FCHSD2: variants seen among roughly 807,000 people sequenced by gnomAD.
FCHSD2 encodes the protein FCH and double SH3 domains 2.
FCHSD2 carries 38 observed loss-of-function variants against 108.1 expected under a neutral mutation model. The observed-to-expected ratio is 0.35, with a 90% confidence interval of 0.27 to 0.46. FCHSD2 has a LOEUF of 0.46. FCHSD2 is among the 20% of genes least tolerant of loss of function. FCHSD2 has a pLI of 1.00. For synonymous variants in FCHSD2, 279 were observed against 314.7 expected, an observed-to-expected ratio of 0.89 and a Z score of 1.20; for missense variants, 751 against 897.8, an observed-to-expected ratio of 0.84 and a Z score of 2.09.
chr11:73,072,128 A>G (rs1053502599), intron 3 of FCHSD2, among the ~76,000 whole-genome samples: 4 of 151,450 alleles, frequency 2.6e-5, no homozygotes, highest in African/African-American at 9.7e-5. Flanking sequence ...GGGCATGTTC[A>G]CACACAAAAG....
chr11:72,940,501 G>A, intron 8 of FCHSD2: 1 of 770,502 alleles, frequency 1.3e-6, no homozygotes, highest in South Asian at 1.5e-5. Flanking sequence ...AGCCAAGATG[G>A]GTGCATACCC....
chr11:72,904,819 C>T (rs985735375), intron 9 of FCHSD2, among the ~76,000 whole-genome samples: 4 of 152,152 alleles, frequency 2.6e-5, no homozygotes, highest in Non-Finnish European at 5.9e-5. Context: ...CTCCCTCTTG[C>T]AATTTAATTG....
intron 3 of FCHSD2, among the ~76,000 whole-genome samples, chr11:73,081,171 C>T (rs981158336): frequency 6.6e-6 from 1 of 152,124 alleles, no homozygotes; most frequent in African/African-American, 2.4e-5. Flanking sequence ...CACTGTGGCT[C>T]ATGCCTGAAA....
chr11:73,113,960 C>T lies in FCHSD2; in HGVS notation c.119+26071G>A, dbSNP rs568202185. ...AACACTTGGTCTCTTTGCTCAAGGGCCTAGGGCTCTACAATCAGCAGGTGA... is the reference window on the plus strand; with the variant it reads ...AACACTTGGTCTCTTTGCTCAAGGGTCTAGGGCTCTACAATCAGCAGGTGA... On this transcript the variant is annotated intron_variant, in intron 2 of 19. Transcript: ENST00000409418. Among the ~76,000 whole-genome samples the T allele has an allele frequency of 5.3e-5, 8 of 152,168 alleles. No individual in the cohort carries two copies. The East Asian group carries it at 1.4e-3, about 26-fold the overall frequency.
At chr11:73,062,244 GAA>G in intron 3 of FCHSD2, among the ~76,000 whole-genome samples, 1 of 152,230 alleles carries the variant, frequency 6.6e-6, no homozygotes, top group East Asian at 1.9e-4. Flanking sequence ...CTAACAAACA[GAA>G]AGGAATAGCA....
At chr11:72,941,270 G>A (rs1856412639) in intron 8 of FCHSD2, among the ~76,000 whole-genome samples, 1 of 152,136 alleles carries the variant, frequency 6.6e-6, no homozygotes, top group Non-Finnish European at 1.5e-5. Flanking sequence ...TAGAATGACA[G>A]TAAATATTTG....
At chr11:72,852,920 A>G (rs1861329330) in intron 13 of FCHSD2, among the ~76,000 whole-genome samples, 1 of 152,176 alleles carries the variant, frequency 6.6e-6, no homozygotes, top group African/African-American at 2.4e-5. Context: ...GTTCTCACTA[A>G]TAAGTGGGAG....
At chr11:72,870,213 A>C (rs1318262357) in intron 12 of FCHSD2, among the ~76,000 whole-genome samples, 1 of 152,300 alleles carries the variant, frequency 6.6e-6, no homozygotes, top group African/African-American at 2.4e-5. Context: ...TAGGCAGTTA[A>C]TAATTCCTTT....
chr11:72,949,305 C>G (rs1856578919), intron 8 of FCHSD2, among the ~76,000 whole-genome samples: 1 of 151,978 alleles, frequency 6.6e-6, no homozygotes, highest in Admixed American at 6.6e-5. Context: ...CAAAAATTAG[C>G]TGGGCGTGGT....
chr11:72,849,963 A>C, intron 13 of FCHSD2, 74 bp from the exon 14 acceptor site: 1 of 1,177,244 alleles, frequency 8.5e-7, no homozygotes, highest in Non-Finnish European at 1.2e-6. Context: ...AAACACTTAA[A>C]ACCTGATTGT....
chr11:72,870,507 A>G (rs574763137), intron 12 of FCHSD2, among the ~76,000 whole-genome samples: 6 of 152,198 alleles, frequency 3.9e-5, no homozygotes, highest in Admixed American at 3.9e-4. Context: ...ATTCAATGAT[A>G]TTGAGTTATA....
At chr11:72,993,457 C>T (rs1423692648) in intron 5 of FCHSD2, among the ~76,000 whole-genome samples, 2 of 152,096 alleles carry the variant, frequency 1.3e-5, no homozygotes, top group South Asian at 2.1e-4. Context: ...GACACATGCA[C>T]ACATATGTTT....
At chr11:72,945,642 T>C (rs1299622691) in intron 8 of FCHSD2, among the ~76,000 whole-genome samples, 3 of 152,114 alleles carry the variant, frequency 2.0e-5, no homozygotes, top group South Asian at 2.1e-4. Flanking sequence ...ATTTTTGCAA[T>C]CTACTCATCT....
chr11:72,980,912 C>G (rs1857204120), intron 8 of FCHSD2, among the ~76,000 whole-genome samples: 1 of 151,092 alleles, frequency 6.6e-6, no homozygotes, highest in Non-Finnish European at 1.5e-5. Flanking sequence ...ACCAACAAAT[C>G]AAATACCCTG....
At chr11:72,893,167 CT>C in intron 10 of FCHSD2, among the ~76,000 whole-genome samples, 1 of 151,578 alleles carries the variant, frequency 6.6e-6, no homozygotes, top group Non-Finnish European at 1.5e-5. Context: ...GCCCAGTTAA[CT>C]TTTTGTATTT....
chr11:72,980,280 T>G (rs993278215), intron 8 of FCHSD2, among the ~76,000 whole-genome samples: 2 of 152,342 alleles, frequency 1.3e-5, no homozygotes, highest in Admixed American at 1.3e-4. Flanking sequence ...GTAGGCCATC[T>G]AAGCAGTGTT....
intron 5 of FCHSD2, among the ~76,000 whole-genome samples, chr11:72,996,487 T>C (rs1457863837): frequency 6.6e-6 from 1 of 152,224 alleles, no homozygotes; most frequent in East Asian, 1.9e-4. Context: ...CTTAAGTTAT[T>C]GTAGCTCTCA....
intron 8 of FCHSD2, among the ~76,000 whole-genome samples, chr11:72,925,408 C>T (rs769432863): frequency 4.7e-4 from 71 of 152,198 alleles, no homozygotes; most frequent in Non-Finnish European, 9.6e-4. Context: ...TGCCTATGAT[C>T]TCAGCTACTT....
intron 8 of FCHSD2, among the ~76,000 whole-genome samples, chr11:72,979,425 CA>C (rs1392391678): frequency 6.6e-6 from 1 of 151,622 alleles, no homozygotes; most frequent in Non-Finnish European, 1.5e-5. Context: ...AAAGAGAAAA[CA>C]AAAGGGAAGA....
Sources: allele counts gnomAD v4.1 joint callset (sites outside exome capture counted in the v4.1 genomes callset), GRCh38; gene constraint gnomAD v4.1.1; transcripts MANE v1.5; gene names NCBI Gene and HGNC (gene_info 2026-07-23, HGNC 2026-07-21).